NR1I2: variants seen among roughly 807,000 people sequenced by gnomAD.
The protein encoded by NR1I2 is orphan nuclear receptor PAR1.
A neutral mutation model predicts 43.3 loss-of-function variants in NR1I2; 42 were observed. That is an observed-to-expected ratio of 0.97 (90% confidence interval 0.76 to 1.26). NR1I2 has a LOEUF of 1.26. NR1I2 is among the 50% of genes most tolerant of loss of function. The pLI, the probability that NR1I2 is intolerant of heterozygous loss-of-function variation, is 0.00. For missense variants in NR1I2, 559 were observed against 566.7 expected (o/e 0.99, Z 0.14); for synonymous variants, 229 against 215.0 (o/e 1.06, Z -0.57).
chr3:119,811,180 G>A (rs2461824), intron 3 of NR1I2: 164,370 of 197,780 alleles, frequency 0.83, 68,914 homozygotes, highest in East Asian at 0.92. Flanking sequence ...AAACCTGGAG[G>A]CAGGAGAGGT....
At chr3:119,796,965 C>A (rs1456828467) in intron 1 of NR1I2, among the ~76,000 whole-genome samples, 1 of 152,188 alleles carries the variant, frequency 6.6e-6, no homozygotes, top group Non-Finnish European at 1.5e-5. Context: ...TAGGACATGG[C>A]CTCCTGACTA....
At chr3:119,795,754 A>C (rs1025053406) in intron 1 of NR1I2, among the ~76,000 whole-genome samples, 1 of 152,206 alleles carries the variant, frequency 6.6e-6, no homozygotes, top group African/African-American at 2.4e-5. Context: ...ACGCCCTGAC[A>C]AGGGCTTCTC....
intron 1 of NR1I2, among the ~76,000 whole-genome samples, chr3:119,783,979 G>A (rs1003112384): frequency 5.9e-5 from 9 of 152,152 alleles, no homozygotes; most frequent in Non-Finnish European, 8.8e-5. Flanking sequence ...TTTTCTTTTC[G>A]ATAGATATTT....
At chr3:119,800,913 G>T (rs1035128563) in intron 1 of NR1I2, among the ~76,000 whole-genome samples, 8 of 152,182 alleles carry the variant, frequency 5.3e-5, no homozygotes, top group African/African-American at 1.4e-4. Context: ...TTAATAAACG[G>T]TTTACCCACT....
chr3:119,811,470 G>A (rs1429827392), intron 3 of NR1I2, 69 bp from the exon 4 acceptor site: 3 of 1,474,770 alleles, frequency 2.0e-6, no homozygotes, highest in Non-Finnish European at 2.8e-6. Context: ...GGGTTACACA[G>A]TGGCTCTCCA....
chr3:119,813,748 T>A (rs1647640178), intron 5 of NR1I2, among the ~76,000 whole-genome samples: 1 of 151,842 alleles, frequency 6.6e-6, no homozygotes, highest in African/African-American at 2.4e-5. Flanking sequence ...AGGTTTGGAA[T>A]GGGGTTCAGA....
intron 1 of NR1I2, among the ~76,000 whole-genome samples, chr3:119,806,363 C>A (rs2055160476): frequency 6.6e-6 from 1 of 152,206 alleles, no homozygotes; most frequent in Non-Finnish European, 1.5e-5. Context: ...TAGCTCACTG[C>A]AGCCTCAAAC....
At chr3:119,785,788 A>G (rs1397904955) in intron 1 of NR1I2, among the ~76,000 whole-genome samples, 2 of 152,182 alleles carry the variant, frequency 1.3e-5, no homozygotes, top group African/African-American at 4.8e-5. Context: ...ATTCTTAAAA[A>G]TTTAGTATTT....
At chr3:119,793,750 A>G (rs1243074191) in intron 1 of NR1I2, among the ~76,000 whole-genome samples, 1 of 152,200 alleles carries the variant, frequency 6.6e-6, no homozygotes, top group Non-Finnish European at 1.5e-5. Context: ...TTTGCCATAT[A>G]AGGAAACATA....
chr3:119,815,242 A>C, intron 6 of NR1I2, 81 bp from the exon 7 acceptor site: 1 of 1,571,818 alleles, frequency 6.4e-7, no homozygotes, highest in Non-Finnish European at 8.8e-7. Flanking sequence ...GGAATGGTGG[A>C]AAACAAGATA....
rs2054895494 is a variant in NR1I2 at position 119,790,021 on chromosome 3, G to C, written c.-23+7721G>C. ...TAATGTGAAGTATGTTTTCATCGTT[G>C]TGCAGCCAATCTCCAGAGGTTTTTC... On this transcript the variant is annotated intron_variant, in intron 1 of 8. Coordinates refer to ENST00000393716, the MANE Select transcript of NR1I2 (RefSeq NM_003889.4). Among the ~76,000 whole-genome samples, 3 of 152,014 alleles carry C rather than the reference G, an allele frequency of 2.0e-5. No individual in the cohort carries two copies. The South Asian group carries it at 6.2e-4, about 31-fold the overall frequency.
chr3:119,783,706 C>T (rs991103124), intron 1 of NR1I2, among the ~76,000 whole-genome samples: 4 of 152,202 alleles, frequency 2.6e-5, no homozygotes, highest in African/African-American at 4.8e-5. Flanking sequence ...CCTAAATTCA[C>T]CTTTGGCCAT....
chr3:119,794,914 G>A (rs1426259169), intron 1 of NR1I2, among the ~76,000 whole-genome samples: 2 of 152,184 alleles, frequency 1.3e-5, no homozygotes, highest in African/African-American at 4.8e-5. Flanking sequence ...ACTCCAGCCT[G>A]AGTGACAAGA....
chr3:119,814,500 G>A (rs1326397039), intron 5 of NR1I2, among the ~76,000 whole-genome samples: 2 of 152,166 alleles, frequency 1.3e-5, no homozygotes, highest in Admixed American at 6.5e-5. Context: ...CCAAAAGGGC[G>A]GCACTTTCAC....
intron 1 of NR1I2, chr3:119,792,243 C>A: frequency 6.5e-7 from 1 of 1,541,586 alleles, no homozygotes. Context: ...ACTAATCACC[C>A]AGAGAGAACT....
intron 1 of NR1I2, among the ~76,000 whole-genome samples, chr3:119,800,010 A>AC (rs2055057032): frequency 6.6e-6 from 1 of 152,076 alleles, no homozygotes; most frequent in African/African-American, 2.4e-5. Context: ...ACACACACAC[A>AC]AAGACATATA....
At chr3:119,809,974 TG>T (rs2055214260) in intron 2 of NR1I2, 86 bp from the exon 3 acceptor site, 3 of 1,555,194 alleles carry the variant, frequency 1.9e-6, no homozygotes, top group Admixed American at 3.4e-5. Flanking sequence ...CGGTAGGGGC[TG>T]GGGAGGGAGG....
intron 5 of NR1I2, among the ~76,000 whole-genome samples, chr3:119,813,172 C>G (rs548937015): frequency 5.9e-5 from 9 of 152,326 alleles, no homozygotes; most frequent in South Asian, 2.1e-4. Context: ...CTGCCAGTGT[C>G]TCTGCCTCTT....
chr3:119,792,269 G>A (rs2054930881), intron 1 of NR1I2: 1 of 1,540,668 alleles, frequency 6.5e-7, no homozygotes, highest in Non-Finnish European at 8.9e-7. Flanking sequence ...CCAGGCAGGT[G>A]AGCGACGACC....
Sources: allele counts gnomAD v4.1 joint callset (sites outside exome capture counted in the v4.1 genomes callset), GRCh38; gene constraint gnomAD v4.1.1; transcripts MANE v1.5; gene names NCBI Gene and HGNC (gene_info 2026-07-23, HGNC 2026-07-21).